HNRNPK: variants seen among roughly 807,000 people sequenced by gnomAD.
HNRNPK encodes the protein dC-stretch binding protein.
In HNRNPK, 7 loss-of-function variants were observed where a neutral mutation model predicts 67.0. The ratio of observed to expected loss-of-function variants is 0.10; its 90% CI spans 0.06 to 0.20. The LOEUF (loss-of-function observed/expected upper bound fraction) is 0.20. Among genes scored for constraint, HNRNPK ranks in the 10% least tolerant of loss-of-function variants. HNRNPK has a pLI of 1.00. For synonymous variants in HNRNPK, 213 were observed against 193.7 expected (o/e 1.10, Z -0.83); for missense variants, 264 against 606.5 (o/e 0.44, Z 5.93).
At chr9:83,973,432 A>T (rs117472232) in intron 8 of HNRNPK, 33 bp from the exon 9 acceptor site, 18,089 of 1,225,604 alleles carry the variant, frequency 0.015, 165 homozygotes, top group Non-Finnish European at 0.018. Context: ...TTTTAGTCTC[A>T]AATCAACAAT....
At chr9:83,974,811 G>T (rs1957004487) in intron 6 of HNRNPK, among the ~76,000 whole-genome samples, 1 of 152,212 alleles carries the variant, frequency 6.6e-6, no homozygotes, top group Non-Finnish European at 1.5e-5. Context: ...GAGACAGAGA[G>T]AATGGGCTTT....
intron 8 of HNRNPK, 51 bp from the exon 9 acceptor site, chr9:83,973,450 T>C (rs1369214340): frequency 6.2e-6 from 6 of 961,704 alleles, no homozygotes; most frequent in South Asian, 3.9e-5. Context: ...AATTCCCCAA[T>C]ACACACTTAT....
chr9:83,971,441 T>C, intron 12 of HNRNPK, 85 bp from the exon 13 acceptor site: 1 of 987,678 alleles, frequency 1.0e-6, no homozygotes, highest in South Asian at 1.3e-5. Context: ...GCATGTTACA[T>C]TAAAACAAAA....
intron 1 of HNRNPK, among the ~76,000 whole-genome samples, chr9:83,978,661 A>G (rs1456668095): frequency 1.3e-5 from 2 of 152,254 alleles, no homozygotes; most frequent in African/African-American, 4.8e-5. Flanking sequence ...AGTTAGAACA[A>G]TAACTTTTAG....
In HNRNPK at chr9:83,974,553, T is replaced by A; in HGVS notation, c.294A>T (p.Gly98=). The A allele has an allele frequency of 6.2e-7, 1 of 1,602,078 alleles. No individual in the cohort carries two copies. Among genetic ancestry groups the A allele is most frequent in the South Asian group, 1.1e-5 (1 of 90,794 alleles). The change falls in exon 7 of 17, where the codon GGA becomes GGT. Residue 98 remains glycine, a synonymous_variant. Transcript: ENST00000376263. ...TAGGGATGATTTTCTTCAGAATTTC[T>A]CCAATTGTTTCAATATCAGCACTGA... is the stretch of plus-strand genomic sequence containing the variant. ...LSISADIETI[G]EILKKIIPTL...
intron 15 of HNRNPK, 108 bp from the exon 16 acceptor site, chr9:83,970,439 T>G: frequency 1.1e-6 from 1 of 875,454 alleles, no homozygotes; most frequent in South Asian, 1.7e-5. Context: ...GAATCTTAAC[T>G]GATGATCTAA....
chr9:83,973,042 T>A lies in HNRNPK; in HGVS notation c.517-70A>T, dbSNP rs1455758393. 5 of 1,176,570 alleles carry A rather than the reference T, an allele frequency of 4.2e-6. No homozygotes were observed. The East Asian group carries it at 1.3e-4, about 30-fold the overall frequency. 72.9% of individuals were successfully genotyped at this position (1,176,570 alleles called of 1,614,324 possible). ...TTAGCTTTCCTAGGTTCAGTGAAAA[T>A]TGCATTTGAATTCAACAATTAACCC... is the stretch of plus-strand genomic sequence containing the variant. On this transcript the variant is annotated intron_variant, in intron 9 of 16. Coordinates refer to ENST00000376263, the MANE Select transcript of HNRNPK (RefSeq NM_031263.4).
intron 15 of HNRNPK, 117 bp downstream of exon 15, chr9:83,970,615 TTAACA>T (rs1355499471): frequency 1.4e-6 from 1 of 740,442 alleles, no homozygotes; most frequent in Non-Finnish European, 2.2e-6. Flanking sequence ...CTAAAGCCCA[TTAACA>T]TAACCTCAAT....
chr9:83,975,446 A>C lies in HNRNPK; in HGVS notation c.257+16T>G, dbSNP rs1957032489. 1 of 1,612,210 alleles carries C rather than the reference A, an allele frequency of 6.2e-7. No individual in the cohort carries two copies. The highest frequency in any genetic ancestry group is 8.5e-7 in the Non-Finnish European group (1 of 1,178,292). Reference sequence around the variant, plus strand: ...CTTTCTAATCAGGCAGTGAGGCATAAACTGTTGGGACATACCGCTCGGGGC... The same window carrying C: ...CTTTCTAATCAGGCAGTGAGGCATACACTGTTGGGACATACCGCTCGGGGC... On this transcript the variant is annotated intron_variant, in intron 6 of 16. Transcript: ENST00000376263.
intron 5 of HNRNPK, 108 bp downstream of exon 5, chr9:83,976,887 G>T: frequency 1.1e-4 from 65 of 608,152 alleles, no homozygotes; most frequent in East Asian, 3.2e-4. Context: ...TATTACAAAT[G>T]TCTTTGTAGC....
Position 83,968,097 on chromosome 9 carries a change from A to G in HNRNPK, c.*1310T>C, listed in dbSNP as rs1304062228. 6.6e-6 allele frequency: 1 copy of G among 152,506 alleles called. No homozygotes were observed. Among genetic ancestry groups the G allele is most frequent in the East Asian group, 1.9e-4 (1 of 5,202 alleles). 9.4% of individuals were successfully genotyped at this position (152,506 alleles called of 1,614,324 possible). On this transcript the variant is annotated 3_prime_UTR_variant, in exon 17 of 17. Coordinates refer to ENST00000376263, the MANE Select transcript of HNRNPK (RefSeq NM_031263.4). ...ACACAAAAAAATACATAAGATTACTATATTTCCTTTTAAGAGGAACGTTTC... is the reference window on the plus strand; with the variant it reads ...ACACAAAAAAATACATAAGATTACTGTATTTCCTTTTAAGAGGAACGTTTC...
intron 1 of HNRNPK, among the ~76,000 whole-genome samples, chr9:83,979,077 T>A (rs1040143606): frequency 1.3e-5 from 2 of 151,946 alleles, no homozygotes; most frequent in African/African-American, 2.4e-5. Flanking sequence ...CTTAAGGGAG[T>A]ACAACACAAC....
intron 5 of HNRNPK, among the ~76,000 whole-genome samples, chr9:83,976,107 T>C (rs1957053978): frequency 1.3e-5 from 2 of 152,068 alleles, no homozygotes; most frequent in African/African-American, 4.8e-5. Context: ...CTAATAAGAC[T>C]GGTTTGGTTT....
At chr9:83,974,417 A>G (rs1480576976) in intron 7 of HNRNPK, 100 bp downstream of exon 7, 1 of 592,222 alleles carries the variant, frequency 1.7e-6, no homozygotes, top group Non-Finnish European at 3.0e-6. Flanking sequence ...AAACTGTCAT[A>G]TCCATTGTCT....
rs549032553 is a variant in HNRNPK at position 83,972,515 on chromosome 9, G to T, written c.646-326C>A. Among the ~76,000 whole-genome samples the T allele has an allele frequency of 2.6e-5, 4 of 152,210 alleles. No homozygotes were observed. In the South Asian group the frequency reaches 8.3e-4, roughly 32 times the overall value. On this transcript the variant is annotated intron_variant, in intron 10 of 16. Coordinates refer to ENST00000376263, the MANE Select transcript of HNRNPK (RefSeq NM_031263.4). ...ACTACAATGCACATTTCACAACAAG[G>T]GCTGAAGAGATCAGTCTTGGCAAGC...
At position 83,971,824 on chromosome 9, in the gene HNRNPK, G is replaced by A; in HGVS notation, c.953+58C>T. 3.2e-6 allele frequency: 5 copies of A among 1,572,682 alleles called. No homozygotes were observed. The South Asian group carries it at 4.6e-5, about 15-fold the overall frequency. ...CTACCACTAAGTGCAGCCTCTTGCAGGTTAATAATTCATAGATGGGGGAAG... is the reference window on the plus strand; with the variant it reads ...CTACCACTAAGTGCAGCCTCTTGCAAGTTAATAATTCATAGATGGGGGAAG... On this transcript the variant is annotated intron_variant, in intron 11 of 16. Transcript: ENST00000376263.
At position 83,978,057 on chromosome 9, in the gene HNRNPK, G is replaced by GT. The variant is rs1369568267; in HGVS notation, c.58+137dup. The GT allele has an allele frequency of 4.7e-6, 3 of 636,512 alleles. No individual in the cohort carries two copies. The African/African-American group carries it at 5.6e-5, about 12-fold the overall frequency. The allele number at this position is 636,512 out of a possible 1,614,324, so 39.4% of individuals were successfully genotyped here. ...CTACTTCATAAATAAAAGCTAAGAT[G>GT]TAACTACTGATAATCGCAGAATTAC... On this transcript the variant is annotated intron_variant, in intron 3 of 16. Transcript: ENST00000376263.
At chr9:83,971,211 G>A (rs1209075542) in intron 13 of HNRNPK, 62 bp downstream of exon 13, 4 of 1,131,720 alleles carry the variant, frequency 3.5e-6, no homozygotes, top group Non-Finnish European at 5.4e-6. Flanking sequence ...AAAACTTACT[G>A]GAGAGCAGGT....
chr9:83,974,920 T>TCAA (rs1427331722), intron 6 of HNRNPK, among the ~76,000 whole-genome samples: 1 of 152,242 alleles, frequency 6.6e-6, no homozygotes, highest in East Asian at 1.9e-4. Context: ...ATACCCTTGC[T>TCAA]GTTACATTGG....
Sources: gnomAD v4.1 joint callset for allele counts (sites outside exome capture counted in the v4.1 genomes callset) on GRCh38, gnomAD v4.1.1 for gene constraint, MANE v1.5 for transcripts, NCBI Gene and HGNC (gene_info 2026-07-23, HGNC 2026-07-21) for gene names.